Variants in GSG1L observed in about 807,000 individuals in gnomAD.
The protein encoded by GSG1L is germ cell-specific gene 1-like protein.
In GSG1L, 24 loss-of-function variants were observed where a neutral mutation model predicts 42.1. The observed-to-expected ratio is 0.57, with a 90% CI of 0.41 to 0.80. The LOEUF (loss-of-function observed/expected upper bound fraction) is 0.80, where lower values mean the gene tolerates loss of function less well. GSG1L is among the 30% of genes least tolerant of loss of function. The pLI, the probability that GSG1L is intolerant of heterozygous loss-of-function variation, is 0.00. For synonymous variants in GSG1L, 215 were observed against 203.5 expected, an observed-to-expected ratio of 1.06 and a Z score of -0.48; for missense variants, 445 against 472.2, an observed-to-expected ratio of 0.94 and a Z score of 0.53.
At position 27,964,086 on chromosome 16, in the gene GSG1L, C is replaced by G. The variant is rs62033520; in HGVS notation, c.350-883G>C. Among the ~76,000 whole-genome samples, 4 of 152,058 alleles carry G rather than the reference C, an allele frequency of 2.6e-5. No individual in the cohort carries two copies. In the East Asian group the frequency reaches 7.7e-4, roughly 29 times the overall value. ...AGGGAAATTCAACATACAGATCATA[C>G]TTTGGGAGGCCGAGGCGGGCGGATC... On this transcript the variant is annotated intron_variant, in intron 1 of 6. Coordinates refer to ENST00000447459, the MANE Select transcript of GSG1L (RefSeq NM_001109763.2).
chr16:27,872,210 A>AC (rs1274189724), intron 3 of GSG1L, among the ~76,000 whole-genome samples: 4 of 151,526 alleles, frequency 2.6e-5, no homozygotes, highest in African/African-American at 9.7e-5. Flanking sequence ...TAGATGTGAG[A>AC]CCCCCCAGTC....
intron 3 of GSG1L, among the ~76,000 whole-genome samples, chr16:27,875,079 C>T (rs960302321): frequency 3.3e-5 from 5 of 152,188 alleles, no homozygotes; most frequent in African/African-American, 1.2e-4. Context: ...AATCATATCT[C>T]CTTGGCCCAC....
chr16:27,979,438 T>C (rs7185381), intron 1 of GSG1L, among the ~76,000 whole-genome samples: 101,544 of 149,714 alleles, frequency 0.68, 34,728 homozygotes, highest in South Asian at 0.85. Context: ...TGGTGGCAAG[T>C]GCCTGTAGTC....
chr16:27,796,452 G>C (rs958762559), intron 6 of GSG1L, among the ~76,000 whole-genome samples: 3 of 152,234 alleles, frequency 2.0e-5, no homozygotes, highest in Non-Finnish European at 2.9e-5. Flanking sequence ...TCTGTTTACT[G>C]GTTTTCTCCT....
chr16:27,858,315 T>C (rs2083604853), intron 3 of GSG1L, among the ~76,000 whole-genome samples: 1 of 152,228 alleles, frequency 6.6e-6, no homozygotes, highest in Non-Finnish European at 1.5e-5. Context: ...CCCTTGTCCT[T>C]TGTAATCCTT....
At chr16:27,938,385 TAAA>T (rs71140925) in intron 2 of GSG1L, among the ~76,000 whole-genome samples, 3 of 141,192 alleles carry the variant, frequency 2.1e-5, no homozygotes, top group Non-Finnish European at 1.5e-5. Context: ...GAGACTCCAT[TAAA>T]AAAAAAAAAA....
In GSG1L at chr16:27,967,645, G is replaced by A. The variant is rs1217696956; in HGVS notation, c.350-4442C>T. 6.6e-5 allele frequency among the ~76,000 whole-genome samples: 10 copies of A among 152,206 alleles called. 1 individual carries two copies. The highest frequency in any genetic ancestry group is 5.9e-4 in the Admixed American group (9 of 15,284). On this transcript the variant is annotated intron_variant, in intron 1 of 6. Transcript: ENST00000447459. ...GAAGGATTAAAATTAAAAAGTGTTG[G>A]TCAGGCACGGTGGCTCATGCCTATA... is the stretch of plus-strand genomic sequence containing the variant.
chr16:28,001,273 G>GGA (rs2085575581), intron 1 of GSG1L, among the ~76,000 whole-genome samples: 1 of 152,176 alleles, frequency 6.6e-6, no homozygotes, highest in Admixed American at 6.5e-5. Flanking sequence ...AGGAAAGGGA[G>GGA]GAGAGGTACA....
chr16:27,833,501 T>C (rs1267203312), intron 4 of GSG1L, among the ~76,000 whole-genome samples: 1 of 152,206 alleles, frequency 6.6e-6, no homozygotes, highest in African/African-American at 2.4e-5. Context: ...CCATATAAAT[T>C]TTAGAATACT....
At chr16:27,993,699 G>A (rs2085479556) in intron 1 of GSG1L, among the ~76,000 whole-genome samples, 1 of 152,168 alleles carries the variant, frequency 6.6e-6, no homozygotes, top group Admixed American at 6.5e-5. Flanking sequence ...ATTCTTTCAA[G>A]CAAAAGAACA....
At chr16:27,865,564 TATATATATAC>T (rs1262951860) in intron 3 of GSG1L, among the ~76,000 whole-genome samples, 602 of 19,582 alleles carry the variant, frequency 0.031, 41 homozygotes, top group South Asian at 0.069. Flanking sequence ...TATATATATA[TATATATATAC>T]ACACACACAT....
chr16:27,836,110 A>G (rs1875619023), intron 4 of GSG1L, among the ~76,000 whole-genome samples: 3 of 152,104 alleles, frequency 2.0e-5, no homozygotes, highest in Admixed American at 2.0e-4. Flanking sequence ...TTTGCCACGT[A>G]TAGAATTTTA....
At chr16:27,806,959 A>G (rs2144435533) in intron 6 of GSG1L, among the ~76,000 whole-genome samples, 1 of 152,282 alleles carries the variant, frequency 6.6e-6, no homozygotes, top group Admixed American at 6.5e-5. Context: ...CTCAGCCAAG[A>G]TCTGACCATT....
intron 3 of GSG1L, among the ~76,000 whole-genome samples, chr16:27,869,929 CTCTCTG>C (rs1249050664): frequency 6.9e-6 from 1 of 145,488 alleles, no homozygotes; most frequent in Non-Finnish European, 1.5e-5. Flanking sequence ...CCCTCCATCT[CTCTCTG>C]TCTCTGTCTC....
chr16:27,901,743 T>G (rs2084260583), intron 2 of GSG1L, among the ~76,000 whole-genome samples: 1 of 152,208 alleles, frequency 6.6e-6, no homozygotes. Flanking sequence ...CCTGCAACCT[T>G]CTGGTGATGC....
At chr16:27,879,792 AT>A (rs2083930564) in intron 3 of GSG1L, among the ~76,000 whole-genome samples, 2 of 150,108 alleles carry the variant, frequency 1.3e-5, no homozygotes, top group South Asian at 2.1e-4. Flanking sequence ...TTTATTTATT[AT>A]TTTTATTGTA....
At chr16:27,975,891 C>T (rs868415175) in intron 1 of GSG1L, among the ~76,000 whole-genome samples, 6 of 152,170 alleles carry the variant, frequency 3.9e-5, no homozygotes, top group African/African-American at 1.2e-4. Flanking sequence ...CCTGCCCTCA[C>T]GGAACTTCCA....
At chr16:27,958,921 C>T (rs538943432) in intron 2 of GSG1L, among the ~76,000 whole-genome samples, 33 of 152,242 alleles carry the variant, frequency 2.2e-4, no homozygotes, top group African/African-American at 7.5e-4. Context: ...GTGATCTGCC[C>T]GCCTTGTACT....
chr16:28,051,613 G>C (rs2086223272), intron 1 of GSG1L, among the ~76,000 whole-genome samples: 2 of 152,182 alleles, frequency 1.3e-5, no homozygotes, highest in South Asian at 4.1e-4. Flanking sequence ...AACGTTTGAG[G>C]GAAGTGATGG....
Sources: allele counts gnomAD v4.1 joint callset (sites outside exome capture counted in the v4.1 genomes callset), GRCh38; gene constraint gnomAD v4.1.1; transcripts MANE v1.5; gene names NCBI Gene and HGNC (gene_info 2026-07-23, HGNC 2026-07-21).